IGF1R: variants seen among roughly 807,000 people sequenced by gnomAD.
IGF1R encodes the protein insulin-like growth factor 1 receptor.
A neutral mutation model predicts 144.6 loss-of-function variants in IGF1R; 44 were observed. The ratio of observed to expected loss-of-function variants is 0.30; its 90% CI spans 0.24 to 0.39. The LOEUF (loss-of-function observed/expected upper bound fraction) is 0.39. Among genes scored for constraint, IGF1R ranks in the 10% least tolerant of loss-of-function variants. The probability of loss-of-function intolerance (pLI) is 1.00; values close to 1 mark genes in which losing one functional copy is unlikely to be tolerated. For missense variants in IGF1R, 1,355 were observed against 1,833.7 expected (o/e 0.74, Z 4.77); for synonymous variants, 795 against 722.8 (o/e 1.10, Z -1.60).
intron 2 of IGF1R, among the ~76,000 whole-genome samples, chr15:98,845,403 T>TCCCTCCTCCTCCCCC (rs1252649951): frequency 1.7e-5 from 1 of 60,006 alleles, no homozygotes; most frequent in East Asian, 5.2e-4. Context: ...CCTCCTCGCC[T>TCCCTCCTCCTCCCCC]CCCTCCTCCT....
intron 2 of IGF1R, among the ~76,000 whole-genome samples, chr15:98,844,098 A>G (rs1249486415): frequency 6.6e-6 from 1 of 152,200 alleles, no homozygotes; most frequent in Non-Finnish European, 1.5e-5. Context: ...TGTTCATGTT[A>G]GATAAGTCTG....
At chr15:98,861,597 G>A (rs2012162473) in intron 2 of IGF1R, among the ~76,000 whole-genome samples, 1 of 152,228 alleles carries the variant, frequency 6.6e-6, no homozygotes, top group Non-Finnish European at 1.5e-5. Context: ...TGGTCTGACA[G>A]AGCCTAGATC....
intron 2 of IGF1R, among the ~76,000 whole-genome samples, chr15:98,758,494 A>T (rs2055213022): frequency 6.6e-6 from 1 of 152,226 alleles, no homozygotes; most frequent in South Asian, 2.1e-4. Flanking sequence ...GTGATAAGCC[A>T]GGAAACAGAT....
At chr15:98,715,631 A>G (rs1370208425) in intron 2 of IGF1R, among the ~76,000 whole-genome samples, 1 of 152,086 alleles carries the variant, frequency 6.6e-6, no homozygotes, top group African/African-American at 2.4e-5. Context: ...TCTTGTCCTG[A>G]ATTGCCTTGC....
At chr15:98,833,904 A>G (rs976127127) in intron 2 of IGF1R, among the ~76,000 whole-genome samples, 7 of 152,204 alleles carry the variant, frequency 4.6e-5, no homozygotes, top group African/African-American at 1.7e-4. Context: ...AGGGTCCTCA[A>G]ATGAACTTAT....
chr15:98,959,115 C>G lies in IGF1R; in HGVS notation c.*1673C>G. ...AACAAAGGTTAAATATTTCACACGT[C>G]TTTGTTCAGTGTTTCCACTCACCGT... On this transcript the variant is annotated 3_prime_UTR_variant, in exon 21 of 21. Coordinates refer to ENST00000650285, the MANE Select transcript of IGF1R (RefSeq NM_000875.5). 1 of 233,294 alleles carries G rather than the reference C, an allele frequency of 4.3e-6. No homozygotes were observed. Among genetic ancestry groups the G allele is most frequent in the Middle Eastern group, 1.3e-3 (1 of 784 alleles). The allele number at this position is 233,294 out of a possible 1,614,324, so 14.5% of individuals were successfully genotyped here. A position where few individuals can be genotyped will look rare whatever the true frequency, so the allele number is the denominator to read the frequency against.
chr15:98,679,969 A>G (rs1209883950), intron 1 of IGF1R, among the ~76,000 whole-genome samples: 2 of 152,150 alleles, frequency 1.3e-5, no homozygotes, highest in African/African-American at 2.4e-5. Flanking sequence ...AGTTAAAAAT[A>G]GAAAAAAGCT....
In IGF1R at chr15:98,737,601, A is replaced by T. The variant is rs562747678; in HGVS notation, c.640+29494A>T. Among the ~76,000 whole-genome samples, 96 of 152,340 alleles carry T rather than the reference A, an allele frequency of 6.3e-4. 1 individual carries two copies. Among genetic ancestry groups the T allele is most frequent in the African/African-American group, 2.2e-3 (93 of 41,582 alleles). On this transcript the variant is annotated intron_variant, in intron 2 of 20. Coordinates refer to ENST00000650285, the MANE Select transcript of IGF1R (RefSeq NM_000875.5). ...GGAATTTTTTTAAAAATTTAATTTA[A>T]AAAAGACTTCGAAAAGTTACCTTGT...
At chr15:98,699,344 C>G (rs1032033529) in intron 1 of IGF1R, among the ~76,000 whole-genome samples, 4 of 152,220 alleles carry the variant, frequency 2.6e-5, no homozygotes, top group Admixed American at 2.6e-4. Context: ...GACTCTATCT[C>G]CTGGTGTCCT....
At chr15:98,905,243 G>C (rs1235936515) in intron 5 of IGF1R, among the ~76,000 whole-genome samples, 1 of 152,160 alleles carries the variant, frequency 6.6e-6, no homozygotes, top group Non-Finnish European at 1.5e-5. Flanking sequence ...TCTACAGATT[G>C]GGAGATAGGG....
At chr15:98,724,873 C>T (rs949552453) in intron 2 of IGF1R, among the ~76,000 whole-genome samples, 3 of 152,180 alleles carry the variant, frequency 2.0e-5, no homozygotes, top group African/African-American at 4.8e-5. Flanking sequence ...ACAAAGGCAT[C>T]GGCCCTGGAA....
At chr15:98,850,513 C>T (rs895748837) in intron 2 of IGF1R, among the ~76,000 whole-genome samples, 1 of 152,184 alleles carries the variant, frequency 6.6e-6, no homozygotes, top group Non-Finnish European at 1.5e-5. Context: ...GCCATGTCCT[C>T]GGAAGATGGC....
At chr15:98,705,739 T>C (rs971671652) in intron 1 of IGF1R, among the ~76,000 whole-genome samples, 9 of 152,206 alleles carry the variant, frequency 5.9e-5, no homozygotes, top group African/African-American at 1.4e-4. Flanking sequence ...TGTTCACTTA[T>C]TCCGTCCTGC....
intron 1 of IGF1R, among the ~76,000 whole-genome samples, chr15:98,702,402 G>A (rs2053758323): frequency 6.6e-6 from 1 of 152,158 alleles, no homozygotes; most frequent in Non-Finnish European, 1.5e-5. Context: ...CCAGGCTGGA[G>A]TGCAGTGGTG....
rs539420468 is a variant in IGF1R, at chr15:98,772,955, A to G, written c.640+64848A>G. Among the ~76,000 whole-genome samples, 176 of 152,262 alleles carry G rather than the reference A, an allele frequency of 1.2e-3. 1 individual carries two copies. Among genetic ancestry groups the G allele is most frequent in the African/African-American group, 4.1e-3 (169 of 41,552 alleles). On this transcript the variant is annotated intron_variant, in intron 2 of 20. Transcript: ENST00000650285. The stretch of plus-strand genomic sequence containing the variant: ...TTAATACTCCTTGATTCAAATCACT[A>G]TTTAAGTTATAAATACATGGATTTA...
intron 2 of IGF1R, among the ~76,000 whole-genome samples, chr15:98,888,438 A>AGAGAGTGTGTGTGTGTGTGTGTGTGT (rs1555457179): frequency 3.5e-5 from 5 of 143,354 alleles, no homozygotes; most frequent in African/African-American, 1.3e-4. Flanking sequence ...AGAGAGAGAG[A>AGAGAGTGTGTGTGTGTGTGTGTGTGT]GTGTGTGTGT....
intron 2 of IGF1R, among the ~76,000 whole-genome samples, chr15:98,842,393 GT>G (rs2088330259): frequency 6.6e-6 from 1 of 152,140 alleles, no homozygotes; most frequent in Admixed American, 6.5e-5. Context: ...CTGTAGTTCA[GT>G]TTAGGGGACG....
At chr15:98,706,543 G>T (rs2053865748) in intron 1 of IGF1R, among the ~76,000 whole-genome samples, 1 of 151,642 alleles carries the variant, frequency 6.6e-6, no homozygotes, top group Non-Finnish European at 1.5e-5. Context: ...TGTTTATAAT[G>T]TGCAAAACAG....
intron 14 of IGF1R, among the ~76,000 whole-genome samples, chr15:98,929,974 A>G (rs1289016343): frequency 6.6e-6 from 1 of 152,216 alleles, no homozygotes; most frequent in Non-Finnish European, 1.5e-5. Context: ...TTTCCAATGA[A>G]GTAAAGAAAC....
Sources: gnomAD v4.1 joint callset for allele counts (sites outside exome capture counted in the v4.1 genomes callset) on GRCh38, gnomAD v4.1.1 for gene constraint, MANE v1.5 for transcripts, NCBI Gene and HGNC (gene_info 2026-07-23, HGNC 2026-07-21) for gene names.